Variants in TADA1 observed in about 807,000 individuals in gnomAD.
TADA1 encodes transcriptional adapter 1.
Under a neutral mutation model 39.3 loss-of-function variants are expected in TADA1, and 23 were observed. The ratio of observed to expected loss-of-function variants is 0.58; its 90% confidence interval spans 0.42 to 0.83. The LOEUF is 0.83. Among genes scored for constraint, TADA1 ranks in the 40% least tolerant of loss-of-function variants. TADA1 has a pLI of 0.00. For synonymous variants in TADA1, 137 were observed against 151.8 expected (o/e 0.90, Z 0.72); for missense variants, 352 against 408.1 (o/e 0.86, Z 1.18).
intron 7 of TADA1, 77 bp downstream of exon 7, chr1:166,858,042 G>C (rs1319697133): frequency 2.6e-6 from 4 of 1,546,564 alleles, no homozygotes; most frequent in Non-Finnish European, 3.5e-6. Flanking sequence ...GAAAAAACCA[G>C]TGAATACCTT....
At chr1:166,870,594 A>AAGGC (rs1205144252) in intron 1 of TADA1, among the ~76,000 whole-genome samples, 3 of 152,158 alleles carry the variant, frequency 2.0e-5, no homozygotes, top group African/African-American at 7.2e-5. Flanking sequence ...TTGGGAGGTC[A>AAGGC]AGGCAGGCAG....
rs1216051914 is a variant in TADA1 at position 166,872,544 on chromosome 1, C to T, written c.75-2690G>A. 2.6e-5 allele frequency among the ~76,000 whole-genome samples: 4 copies of T among 152,078 alleles called. No homozygotes were observed. In the East Asian group the frequency reaches 7.7e-4, roughly 29 times the overall value. On this transcript the variant is annotated intron_variant, in intron 1 of 7. Coordinates refer to ENST00000367874, the MANE Select transcript of TADA1 (RefSeq NM_053053.4). ...AAAATTAGCCAGGTGTGGTGGAACG[C>T]ACCTGTAATCCCAGCTACCTGGGAG... is the stretch of plus-strand genomic sequence containing the variant.
At chr1:166,859,908 T>G (rs1323705841) in intron 6 of TADA1, among the ~76,000 whole-genome samples, 1 of 152,054 alleles carries the variant, frequency 6.6e-6, no homozygotes, top group Non-Finnish European at 1.5e-5. Context: ...GCACCACCTA[T>G]GCACTACTCC....
In TADA1 at chr1:166,876,225, G is replaced by A. The variant is rs777983495; in HGVS notation, c.9C>T (p.Thr3=). The change falls in exon 1 of 8, where the codon ACC becomes ACT. Residue 3 remains threonine, a synonymous_variant. Transcript: ENST00000367874. MA[T]FVSELEAAKK... ...TGGCCGCCTCCAGCTCGCTCACAAA[G>A]GTCGCCATTGCTCCGCGTGTCTCAG... 6 of 1,613,270 alleles carry A rather than the reference G, an allele frequency of 3.7e-6. No homozygotes were observed. In the East Asian group the frequency reaches 6.7e-5, roughly 18 times the overall value.
At chr1:166,864,470 C>A (rs1013393072) in intron 3 of TADA1, among the ~76,000 whole-genome samples, 3 of 152,072 alleles carry the variant, frequency 2.0e-5, no homozygotes, top group African/African-American at 4.8e-5. Context: ...GGCAGAAGCA[C>A]GTCAACCTGC....
At chr1:166,872,252 G>C (rs1178556183) in intron 1 of TADA1, among the ~76,000 whole-genome samples, 1 of 152,188 alleles carries the variant, frequency 6.6e-6, no homozygotes, top group East Asian at 1.9e-4. Context: ...CAATGGTTTG[G>C]TGTTATCTTT....
At chr1:166,862,162 C>T in intron 5 of TADA1, 41 bp downstream of exon 5, 1 of 1,587,270 alleles carries the variant, frequency 6.3e-7, no homozygotes, top group African/African-American at 1.3e-5. Context: ...AAGCCTATCA[C>T]ATTCAACCTG....
At chr1:166,875,302 T>C (rs959433947) in intron 1 of TADA1, among the ~76,000 whole-genome samples, 1 of 152,218 alleles carries the variant, frequency 6.6e-6, no homozygotes, top group Non-Finnish European at 1.5e-5. Context: ...TGGCTTTGAC[T>C]GGATACTGAT....
At chr1:166,869,410 A>T in intron 3 of TADA1, 35 bp downstream of exon 3, 1 of 1,567,922 alleles carries the variant, frequency 6.4e-7, no homozygotes, top group Non-Finnish European at 8.8e-7. Context: ...TGCTTTGCTG[A>T]CTTACACACA....
intron 4 of TADA1, 109 bp from the exon 5 acceptor site, chr1:166,862,521 A>G: frequency 2.4e-6 from 2 of 818,972 alleles, no homozygotes; most frequent in Non-Finnish European, 4.0e-6. Flanking sequence ...CACCAAAACT[A>G]TACCACAGGG....
intron 1 of TADA1, among the ~76,000 whole-genome samples, chr1:166,871,820 C>G (rs1237261600): frequency 6.6e-6 from 1 of 152,066 alleles, no homozygotes; most frequent in Non-Finnish European, 1.5e-5. Context: ...CTATCCCATT[C>G]TATCCAACAA....
chr1:166,867,359 A>T (rs1290512147), intron 3 of TADA1, among the ~76,000 whole-genome samples: 2 of 152,210 alleles, frequency 1.3e-5, no homozygotes, highest in Non-Finnish European at 2.9e-5. Flanking sequence ...TTATGATTTA[A>T]CTTTGGACAT....
At chr1:166,865,731 A>AT (rs1007608950) in intron 3 of TADA1, among the ~76,000 whole-genome samples, 2 of 152,054 alleles carry the variant, frequency 1.3e-5, no homozygotes, top group Non-Finnish European at 2.9e-5. Flanking sequence ...AAGCAGGAGA[A>AT]TGGCGTGAAC....
chr1:166,857,856 G>T, intron 7 of TADA1, 137 bp from the exon 8 acceptor site: 1 of 1,033,518 alleles, frequency 9.7e-7, no homozygotes, highest in Non-Finnish European at 1.4e-6. Flanking sequence ...ATCACCAATT[G>T]GATAATAATA....
At chr1:166,875,781 C>T (rs1658750051) in intron 1 of TADA1, among the ~76,000 whole-genome samples, 1 of 152,222 alleles carries the variant, frequency 6.6e-6, no homozygotes, top group South Asian at 2.1e-4. Context: ...GCGCTATGCC[C>T]TCTGGCTGGA....
chr1:166,858,449 G>A lies in TADA1; in HGVS notation c.693-168C>T, dbSNP rs193040373. On this transcript the variant is annotated intron_variant, in intron 6 of 7. Transcript: ENST00000367874. ...TCTGTAATTTTAATTTTTAAAGGCT[G>A]GAAATAAAACATAATACAACTATAT... Among the ~76,000 whole-genome samples, 129 of 152,230 alleles carry A rather than the reference G, an allele frequency of 8.5e-4. 1 individual carries two copies. The highest frequency in any genetic ancestry group is 3.0e-3 in the African/African-American group (125 of 41,548).
chr1:166,869,424 G>C (rs898772075), intron 3 of TADA1, 21 bp downstream of exon 3: 3 of 1,597,732 alleles, frequency 1.9e-6, no homozygotes, highest in Admixed American at 1.7e-5. Context: ...ACACACACTG[G>C]AAGTATTTCC....
chr1:166,874,128 G>C (rs752352817), intron 1 of TADA1, among the ~76,000 whole-genome samples: 1 of 151,306 alleles, frequency 6.6e-6, no homozygotes, highest in East Asian at 2.0e-4. Context: ...GGCTCACGAG[G>C]TCAGGAGTTC....
chr1:166,869,416 A>G (rs779962404), intron 3 of TADA1, 29 bp downstream of exon 3: 5 of 1,588,582 alleles, frequency 3.1e-6, no homozygotes, highest in Middle Eastern at 1.7e-4. Flanking sequence ...GCTGACTTAC[A>G]CACACTGGAA....
Sources: gnomAD v4.1 joint callset for allele counts (sites outside exome capture counted in the v4.1 genomes callset) on GRCh38, gnomAD v4.1.1 for gene constraint, MANE v1.5 for transcripts, NCBI Gene and HGNC (gene_info 2026-07-23, HGNC 2026-07-21) for gene names.